The following MUC5B variants were observed in gnomAD, a reference collection of about 807,000 sequenced individuals.
MUC5B encodes the protein mucin-5B.
MUC5B carries 116 observed loss-of-function variants against 376.9 expected under a neutral mutation model. The observed-to-expected ratio is 0.31, with a 90% CI of 0.26 to 0.36. The LOEUF (loss-of-function observed/expected upper bound fraction) is 0.36, where lower values mean the gene tolerates loss of function less well. MUC5B is among the 10% of genes least tolerant of loss of function. The pLI is 1.00. For missense variants in MUC5B, 7,165 were observed against 7,769.9 expected, an observed-to-expected ratio of 0.92 and a Z score of 2.93; for synonymous variants, 3,517 against 3,390.9, an observed-to-expected ratio of 1.04 and a Z score of -1.29.
chr11:1,246,653 C>T lies in MUC5B; in HGVS notation c.9773C>T (p.Pro3258Leu), dbSNP rs1326878067. ...AWTRLSQTTT[P>L]TATMSTATPS... is the part of the protein sequence containing the mutation. ...ACCCGCCTATCACAGACCACCACAC[C>T]CACGGCCACCATGTCCACAGCCACA... The change falls in exon 31 of 49, where the codon CCC (proline) becomes CTC (leucine). Residue 3258 changes from proline (P) to leucine (L), a missense_variant. Pro to Leu is a moderately conservative substitution (Grantham distance 98). This residue lies in a region of MUC5B where 939 missense variants were observed against 770.6 expected (regional missense o/e 1.22). Transcript: ENST00000529681. 1 of 1,612,290 alleles carries T rather than the reference C, an allele frequency of 6.2e-7. No homozygotes were observed. The highest frequency in any genetic ancestry group is 8.5e-7 in the Non-Finnish European group (1 of 1,178,934).
intron 30 of MUC5B, 98 bp from the exon 31 acceptor site, chr11:1,240,753 G>A: frequency 8.4e-7 from 1 of 1,187,432 alleles, no homozygotes; most frequent in Non-Finnish European, 1.2e-6. Flanking sequence ...ACAGGGGCAG[G>A]GCCAGCCCTG....
chr11:1,259,157 C>T (rs1048339403), intron 44 of MUC5B, 96 bp downstream of exon 44: 1 of 1,330,358 alleles, frequency 7.5e-7, no homozygotes, highest in Admixed American at 2.1e-5. Flanking sequence ...CCTGAGTCAC[C>T]CGCCCCCAGG....
chr11:1,240,946 G>A lies in MUC5B; in HGVS notation c.4066G>A (p.Gly1356Arg), dbSNP rs773370059. The A allele has an allele frequency of 1.5e-5, 24 of 1,613,182 alleles. No homozygotes were observed. The highest frequency in any genetic ancestry group is 8.3e-5 in the Admixed American group (5 of 60,006). Residue 1356 changes from glycine to arginine, a missense_variant, in exon 31 of 49, where the codon GGA becomes AGA. This residue lies in a region of MUC5B where 517 missense variants were observed against 545.3 expected (regional missense o/e 0.95). Transcript: ENST00000529681. ...CCGCCCAGAGCCCGGCCTGGGAGGC[G>A]GAGACTTTGAGACGTTTGAAAACCT... ...GHRPEPGLGG[G>R]DFETFENLRQ...
At chr11:1,227,933 G>C (rs555281324) in intron 7 of MUC5B, among the ~76,000 whole-genome samples, 152 bp downstream of exon 7, 1 of 152,186 alleles carries the variant, frequency 6.6e-6, no homozygotes, top group Non-Finnish European at 1.5e-5. Context: ...TCAGTTCCAC[G>C]GTACACACTG....
intron 10 of MUC5B, 30 bp from the exon 11 acceptor site, chr11:1,229,975 G>T (rs371970180): frequency 6.4e-7 from 1 of 1,572,156 alleles, no homozygotes; most frequent in Non-Finnish European, 8.6e-7. Flanking sequence ...CTCCCGACAT[G>T]CCGGTTCTGC....
At position 1,253,450 on chromosome 11, in the gene MUC5B, G is replaced by A. The variant is rs2857471; in HGVS notation, c.15217+470G>A. On this transcript the variant is annotated intron_variant, in intron 33 of 48. Coordinates refer to ENST00000529681, the MANE Select transcript of MUC5B (RefSeq NM_002458.3). The surrounding 1 kb of genome is among the most constrained non-coding windows in gnomAD (Gnocchi z 4.3). ...CTTTTGTCTCCTGGGTCCTAACAGC[G>A]GCTTCCATCACCGTGCGGGACCCAC... 2.6e-5 allele frequency among the ~76,000 whole-genome samples: 4 copies of A among 152,100 alleles called. No individual in the cohort carries two copies. The highest frequency in any genetic ancestry group is 4.1e-4 in the South Asian group (2 of 4,828).
chr11:1,223,379 C>T, intron 1 of MUC5B, 186 bp downstream of exon 1: 1 of 685,856 alleles, frequency 1.5e-6, no homozygotes, highest in South Asian at 1.5e-5. Flanking sequence ...CTCACAGTGT[C>T]AGGAAACTCA....
rs1208414893 is a variant in MUC5B at position 1,226,694 on chromosome 11, C to T, written c.279C>T (p.Phe93=). 2 of 1,612,732 alleles carry T rather than the reference C, an allele frequency of 1.2e-6. No homozygotes were observed. Among genetic ancestry groups the T allele is most frequent in the Admixed American group, 1.7e-5 (1 of 59,994 alleles). Residue 93 remains phenylalanine, a synonymous_variant, in exon 4 of 49, where the codon TTC becomes TTT. Coordinates refer to ENST00000529681, the MANE Select transcript of MUC5B (RefSeq NM_002458.3). ...ACAAGACCTTCGACGGCGACGTCTT[C>T]CGCTTCCCTGGCCTTTGCAACTACG... ...FHYKTFDGDV[F]RFPGLCNYVF...
At chr11:1,233,756 G>T in intron 18 of MUC5B, 37 bp from the exon 19 acceptor site, 1 of 1,576,464 alleles carries the variant, frequency 6.3e-7, no homozygotes, top group Non-Finnish European at 8.6e-7. Flanking sequence ...GCGGGGTGAG[G>T]GCCGCAGATC....
At chr11:1,224,531 C>A (rs1402981169) in intron 1 of MUC5B, among the ~76,000 whole-genome samples, 7 of 13,126 alleles carry the variant, frequency 5.3e-4, no homozygotes, top group Admixed American at 1.1e-3. Flanking sequence ...CTGCCTGGGG[C>A]GGGGGAGGGG....
At chr11:1,236,344 G>T in intron 23 of MUC5B, 42 bp from the exon 24 acceptor site, 1 of 1,572,352 alleles carries the variant, frequency 6.4e-7, no homozygotes, top group South Asian at 1.2e-5. Flanking sequence ...CCTCCCTGGG[G>T]GCCACAGGGT....
chr11:1,255,097 G>T lies in MUC5B; in HGVS notation c.15721G>T (p.Ala5241Ser). 8.8e-6 allele frequency: 14 copies of T among 1,592,110 alleles called. No homozygotes were observed. The highest frequency in any genetic ancestry group is 1.2e-5 in the Non-Finnish European group (14 of 1,170,558). The change falls in exon 36 of 49, where the codon GCC becomes TCC. Residue 5241 changes from alanine (A) to serine (S), a missense_variant. By Grantham distance (99) the Ala-to-Ser change is moderately conservative. This residue lies in a region of MUC5B where 842 missense variants were observed against 1,016.9 expected (regional missense o/e 0.83). Coordinates refer to ENST00000529681, the MANE Select transcript of MUC5B (RefSeq NM_002458.3). ...DCLQRDGTTA[A>S]SCKDMAKTWL... ...TCTCCAGCGGGACGGAACCACTGCCGCCAGTTGCAAGGACATGGCCAAGAC... is the reference window on the plus strand; with the variant it reads ...TCTCCAGCGGGACGGAACCACTGCCTCCAGTTGCAAGGACATGGCCAAGAC...
rs1862921097 is a variant in MUC5B, at chr11:1,258,944, T to A, written c.16596T>A (p.Val5532=). Residue 5532 remains valine (V), a splice_region_variant and synonymous_variant, in exon 44 of 49, where the codon GTT becomes GTA. Coordinates refer to ENST00000529681, the MANE Select transcript of MUC5B (RefSeq NM_002458.3). The surrounding 1 kb of genome is among the most constrained non-coding windows in gnomAD (Gnocchi z 5.5). The part of the protein sequence containing the change: ...LCSYNGTFYG[V]GATFPGALPC... Reference sequence around the variant, plus strand: ...TGCCACCCTCCCACCCCTTGCAGGTTGGTGCAACCTTCCCAGGCGCCCTTC... The same window carrying A: ...TGCCACCCTCCCACCCCTTGCAGGTAGGTGCAACCTTCCCAGGCGCCCTTC... 1.3e-6 allele frequency: 2 copies of A among 1,550,996 alleles called. No homozygotes were observed. Among genetic ancestry groups the A allele is most frequent in the South Asian group, 2.4e-5 (2 of 84,094 alleles).
intron 13 of MUC5B, 68 bp downstream of exon 13, chr11:1,231,073 G>A (rs1862017441): frequency 6.8e-7 from 1 of 1,461,204 alleles, no homozygotes; most frequent in Non-Finnish European, 9.3e-7. Context: ...CCACAGCCTG[G>A]GCAGCGTCCG....
intron 14 of MUC5B, among the ~76,000 whole-genome samples, 152 bp from the exon 15 acceptor site, chr11:1,231,844 G>T (rs760415): frequency 5.9e-5 from 9 of 152,330 alleles, no homozygotes; most frequent in Admixed American, 1.3e-4. Flanking sequence ...GGCGCCCCCC[G>T]CCAGGGCTTA....
chr11:1,229,955 G>A (rs1361326886), intron 10 of MUC5B, 50 bp from the exon 11 acceptor site: 2 of 1,560,080 alleles, frequency 1.3e-6, no homozygotes, highest in Non-Finnish European at 8.7e-7. Flanking sequence ...TGGAGGGTGG[G>A]GCCCACCTCC....
At position 1,246,245 on chromosome 11, in the gene MUC5B, T is replaced by C. The variant is rs58125533; in HGVS notation, c.9365T>C (p.Met3122Thr). Residue 3122 changes from methionine to threonine, a missense_variant, in exon 31 of 49, where the codon ATG (methionine) becomes ACG (threonine). By Grantham distance (81) the Met-to-Thr change is moderately conservative. This residue lies in a region of MUC5B where 939 missense variants were observed against 770.6 expected (regional missense o/e 1.22). Transcript: ENST00000529681. The stretch of plus-strand genomic sequence containing the variant: ...ACCACGACAAGGGCCACCAGTTCCA[T>C]GTCCACCCCCTCCTCCACTCCGGGG... ...KATTTRATSS[M>T]STPSSTPGTT... The C allele has an allele frequency of 0.026, 40,169 of 1,550,486 alleles. 2,896 individuals are homozygous for C. The highest frequency in any genetic ancestry group is 0.22 in the East Asian group (9,078 of 42,144).
rs1296936769 is a variant in MUC5B at position 1,251,699 on chromosome 11, C to A, written c.14819C>A (p.Ser4940Tyr). ...ACTGGCTTCCCCAGCTCCCACTTCT[C>A]TACTCCCTGCTTCTGCAGGGCATTT... ...RPTGFPSSHF[S>Y]TPCFCRAFGQ... The change falls in exon 31 of 49, where the codon TCT becomes TAT. Residue 4940 changes from serine (S) to tyrosine (Y), a missense_variant. Coordinates refer to ENST00000529681, the MANE Select transcript of MUC5B (RefSeq NM_002458.3). 1 of 1,611,418 alleles carries A rather than the reference C, an allele frequency of 6.2e-7. No homozygotes were observed. The highest frequency in any genetic ancestry group is 1.7e-5 in the Admixed American group (1 of 59,954).
chr11:1,253,795 T>C lies in MUC5B; in HGVS notation c.15218-297T>C, dbSNP rs765534689. 6.6e-5 allele frequency among the ~76,000 whole-genome samples: 10 copies of C among 152,182 alleles called. No individual in the cohort carries two copies. The highest frequency in any genetic ancestry group is 1.7e-4 in the African/African-American group (7 of 41,442). On this transcript the variant is annotated intron_variant, in intron 33 of 48. Transcript: ENST00000529681. The surrounding 1 kb of genome is among the most constrained non-coding windows in gnomAD (Gnocchi z 4.3). ...TCCCGTAAGGACACTGGTCATTGGA[T>C]TGAGGGCCCACCCAGCTAGTCCACG...
Sources: gnomAD v4.1 joint callset for allele counts (sites outside exome capture counted in the v4.1 genomes callset) on GRCh38, gnomAD v4.1.1 for gene constraint, gnomAD v4.1.1 regional missense constraint, Gnocchi (gnomAD v3.1) non-coding constraint, MANE v1.5 for transcripts, NCBI Gene and HGNC (gene_info 2026-07-23, HGNC 2026-07-21) for gene names.